The following PPP3CA variants were observed in gnomAD, a reference collection of about 807,000 sequenced individuals.
PPP3CA encodes the protein protein phosphatase 3 catalytic subunit alpha.
In PPP3CA, 14 loss-of-function variants were observed where a neutral mutation model predicts 66.5. The ratio of observed to expected loss-of-function variants is 0.21; its 90% CI spans 0.14 to 0.33. PPP3CA has a LOEUF of 0.33. Ranked by LOEUF, PPP3CA falls within the 10% of genes least tolerant of loss-of-function variation. PPP3CA has a pLI of 1.00. For synonymous variants in PPP3CA, 232 were observed against 226.2 expected (o/e 1.03, Z -0.23); for missense variants, 317 against 639.5 (o/e 0.50, Z 5.44).
chr4:101,049,873 T>G (rs1235059878), intron 10 of PPP3CA, among the ~76,000 whole-genome samples: 5 of 152,086 alleles, frequency 3.3e-5, no homozygotes, highest in Admixed American at 1.3e-4. Flanking sequence ...CGGAAAGAAG[T>G]AATACAACTC....
At chr4:101,058,735 T>C (rs190517519) in intron 10 of PPP3CA, among the ~76,000 whole-genome samples, 4 of 152,282 alleles carry the variant, frequency 2.6e-5, no homozygotes, top group Non-Finnish European at 5.9e-5. Flanking sequence ...TAAAGGGAAC[T>C]TACTAGAAGT....
chr4:101,300,054 T>A (rs1728328118), intron 1 of PPP3CA, among the ~76,000 whole-genome samples: 2 of 152,202 alleles, frequency 1.3e-5, no homozygotes, highest in African/African-American at 4.8e-5. Flanking sequence ...CATAGTCTAC[T>A]AAGAAGGCGG....
At position 101,211,388 on chromosome 4, in the gene PPP3CA, G is replaced by T. The variant is rs147967616; in HGVS notation, c.59-15272C>A. On this transcript the variant is annotated intron_variant, in intron 1 of 13. Coordinates refer to ENST00000394854, the MANE Select transcript of PPP3CA (RefSeq NM_000944.5). ...CATAGAAAGCCTTAAAAAAACATTT[G>T]TCTAGTGATTTACTGGTATATGATT... Among the ~76,000 whole-genome samples, 26 of 152,200 alleles carry T rather than the reference G, an allele frequency of 1.7e-4. 1 individual carries two copies. In the East Asian group the frequency reaches 4.8e-3, roughly 28 times the overall value.
chr4:101,081,632 C>A lies in PPP3CA; in HGVS notation c.861-1006G>T, dbSNP rs147175833. 3.1e-4 allele frequency among the ~76,000 whole-genome samples: 47 copies of A among 152,252 alleles called. 1 individual carries two copies. The highest frequency in any genetic ancestry group is 2.4e-3 in the Admixed American group (36 of 15,286). Reference sequence around the variant, plus strand: ...ATCTGTGTCATTTATTTCTGGTAGACTGAACCGTGCCTAATATAGTTAGGT... The same window carrying A: ...ATCTGTGTCATTTATTTCTGGTAGAATGAACCGTGCCTAATATAGTTAGGT... On this transcript the variant is annotated intron_variant, in intron 7 of 13. Coordinates refer to ENST00000394854, the MANE Select transcript of PPP3CA (RefSeq NM_000944.5).
chr4:101,132,010 A>T (rs894000485), intron 2 of PPP3CA, among the ~76,000 whole-genome samples: 5 of 152,226 alleles, frequency 3.3e-5, no homozygotes. Flanking sequence ...ACCACTGGGT[A>T]AATAACCAAA....
At chr4:101,300,265 T>C (rs1310125119) in intron 1 of PPP3CA, among the ~76,000 whole-genome samples, 1 of 152,212 alleles carries the variant, frequency 6.6e-6, no homozygotes, top group Non-Finnish European at 1.5e-5. Context: ...GCTACCCATA[T>C]AAACACTTGG....
intron 10 of PPP3CA, among the ~76,000 whole-genome samples, chr4:101,048,847 T>A (rs1450094428): frequency 1.3e-5 from 2 of 152,132 alleles, no homozygotes; most frequent in African/African-American, 4.8e-5. Context: ...ATATTTGGCA[T>A]AAGGCTATTC....
intron 1 of PPP3CA, among the ~76,000 whole-genome samples, chr4:101,294,844 G>A (rs900469909): frequency 6.6e-6 from 1 of 151,288 alleles, no homozygotes; most frequent in Non-Finnish European, 1.5e-5. Flanking sequence ...AAACCCACCC[G>A]CTTCCTGCAC....
intron 1 of PPP3CA, among the ~76,000 whole-genome samples, chr4:101,309,060 G>A (rs1426759933): frequency 1.3e-5 from 2 of 152,056 alleles, no homozygotes; most frequent in Non-Finnish European, 1.5e-5. Context: ...CTAGGCTATT[G>A]AGGCTACAGT....
chr4:101,131,646 T>C (rs1191006572), intron 2 of PPP3CA, among the ~76,000 whole-genome samples: 1 of 152,060 alleles, frequency 6.6e-6, no homozygotes, highest in South Asian at 2.1e-4. Flanking sequence ...TCCCACACAA[T>C]AATAGTGGGA....
chr4:101,296,698 G>A (rs1728211032), intron 1 of PPP3CA, among the ~76,000 whole-genome samples: 1 of 152,034 alleles, frequency 6.6e-6, no homozygotes, highest in African/African-American at 2.4e-5. Flanking sequence ...CAACTAGATT[G>A]TTTCTGTTTC....
At chr4:101,214,780 A>C (rs189210081) in intron 1 of PPP3CA, among the ~76,000 whole-genome samples, 1 of 152,130 alleles carries the variant, frequency 6.6e-6, no homozygotes, top group Non-Finnish European at 1.5e-5. Context: ...GATCAAAGGC[A>C]AAGGGCCAAA....
chr4:101,320,900 A>T (rs910513407), intron 1 of PPP3CA, among the ~76,000 whole-genome samples: 2 of 152,238 alleles, frequency 1.3e-5, no homozygotes, highest in East Asian at 1.9e-4. Context: ...ATCCAGGTTA[A>T]ATCCGGATCT....
At chr4:101,107,554 G>A (rs1045499924) in intron 3 of PPP3CA, among the ~76,000 whole-genome samples, 3 of 152,114 alleles carry the variant, frequency 2.0e-5, no homozygotes, top group Non-Finnish European at 4.4e-5. Flanking sequence ...TCATCACCAG[G>A]AATAATTAAG....
At chr4:101,270,942 A>G (rs906424735) in intron 1 of PPP3CA, among the ~76,000 whole-genome samples, 1 of 152,046 alleles carries the variant, frequency 6.6e-6, no homozygotes, top group Non-Finnish European at 1.5e-5. Flanking sequence ...TTTTAGTTAG[A>G]CCTCTGTTAT....
At chr4:101,278,149 T>TAAAAAAAAAAAAAAAAAAAA (rs1200528599) in intron 1 of PPP3CA, among the ~76,000 whole-genome samples, 19 of 119,532 alleles carry the variant, frequency 1.6e-4, no homozygotes, top group African/African-American at 7.3e-4. Context: ...ATAAAAAAAT[T>TAAAAAAAAAAAAAAAAAAAA]AAAAAGTTAT....
At chr4:101,231,067 C>A (rs1353366843) in intron 1 of PPP3CA, among the ~76,000 whole-genome samples, 1 of 151,654 alleles carries the variant, frequency 6.6e-6, no homozygotes, top group Non-Finnish European at 1.5e-5. Context: ...ATTTTCAATT[C>A]TCCTCTTTCC....
At chr4:101,054,825 T>C (rs1029728374) in intron 10 of PPP3CA, among the ~76,000 whole-genome samples, 1 of 152,134 alleles carries the variant, frequency 6.6e-6, no homozygotes, top group Non-Finnish European at 1.5e-5. Flanking sequence ...AACATTAGGA[T>C]AAGGCAAAAA....
In PPP3CA at chr4:101,107,598, T is replaced by C. The variant is rs3804359; in HGVS notation, c.384+1356A>G. On this transcript the variant is annotated intron_variant, in intron 3 of 13. Coordinates refer to ENST00000394854, the MANE Select transcript of PPP3CA (RefSeq NM_000944.5). ...GATCTTTAAATGCAGACGGTATTATTATGTTGGCGGAAATACATATATGTC... is the reference window on the plus strand; with the variant it reads ...GATCTTTAAATGCAGACGGTATTATCATGTTGGCGGAAATACATATATGTC... Among the ~76,000 whole-genome samples the C allele has an allele frequency of 1.6e-3, 250 of 152,344 alleles. 6 individuals are homozygous for C. The East Asian group carries it at 0.028, about 17-fold the overall frequency.
Sources: allele counts gnomAD v4.1 joint callset (sites outside exome capture counted in the v4.1 genomes callset), GRCh38; gene constraint gnomAD v4.1.1; transcripts MANE v1.5; gene names NCBI Gene and HGNC (gene_info 2026-07-23, HGNC 2026-07-21).